GPC6: variants seen among roughly 807,000 people sequenced by gnomAD.
The protein encoded by GPC6 is glypican-6.
In GPC6, 14 loss-of-function variants were observed where a neutral mutation model predicts 55.2. The ratio of observed to expected loss-of-function variants is 0.25; its 90% CI spans 0.17 to 0.40. The LOEUF is 0.40. Among genes scored for constraint, GPC6 ranks in the 10% least tolerant of loss-of-function variants. The probability of loss-of-function intolerance (pLI) is 1.00; values close to 1 mark genes in which losing one functional copy is unlikely to be tolerated. For synonymous variants in GPC6, 278 were observed against 259.6 expected, an observed-to-expected ratio of 1.07 and a Z score of -0.68; for missense variants, 641 against 708.5, an observed-to-expected ratio of 0.90 and a Z score of 1.08.
intron 2 of GPC6, among the ~76,000 whole-genome samples, chr13:93,617,308 A>C (rs1316515838): frequency 1.3e-5 from 2 of 152,092 alleles, no homozygotes; most frequent in African/African-American, 4.8e-5. Flanking sequence ...TAGTTGTGTA[A>C]ATCTAGAATT....
intron 1 of GPC6, among the ~76,000 whole-genome samples, chr13:93,235,641 G>A (rs1876208117): frequency 6.6e-6 from 1 of 151,978 alleles, no homozygotes; most frequent in South Asian, 2.1e-4. Context: ...AGATTAAAAG[G>A]GAAAATTTTA....
chr13:94,340,422 C>T (rs867517038), intron 6 of GPC6, among the ~76,000 whole-genome samples: 2 of 152,158 alleles, frequency 1.3e-5, no homozygotes, highest in African/African-American at 2.4e-5. Flanking sequence ...ACATTAAAAT[C>T]ATTCCATTCC....
chr13:94,289,476 G>A (rs536656958), intron 5 of GPC6, among the ~76,000 whole-genome samples: 13 of 152,224 alleles, frequency 8.5e-5, no homozygotes, highest in African/African-American at 2.4e-4. Flanking sequence ...TGTTATTTCT[G>A]AGAGCATAGT....
At chr13:93,229,988 T>G (rs1043716968) in intron 1 of GPC6, among the ~76,000 whole-genome samples, 1 of 152,218 alleles carries the variant, frequency 6.6e-6, no homozygotes, top group African/African-American at 2.4e-5. Flanking sequence ...ACACACTCTA[T>G]CTCTCCTCCC....
Position 93,803,986 on chromosome 13 carries a change from G to T in GPC6, c.320-26168G>T, listed in dbSNP as rs1278306417. On this transcript the variant is annotated intron_variant, in intron 2 of 8. Coordinates refer to ENST00000377047, the MANE Select transcript of GPC6 (RefSeq NM_005708.5). ...TGATGAAAATGCTCTAAAATTGATTGTTGTGATGGTTGCACATCCTAGAGC... is the reference window on the plus strand; with the variant it reads ...TGATGAAAATGCTCTAAAATTGATTTTTGTGATGGTTGCACATCCTAGAGC... 2.0e-5 allele frequency among the ~76,000 whole-genome samples: 3 copies of T among 152,102 alleles called. No homozygotes were observed. The East Asian group carries it at 5.8e-4, about 29-fold the overall frequency.
intron 4 of GPC6, among the ~76,000 whole-genome samples, chr13:94,100,674 C>G (rs1885823354): frequency 6.6e-6 from 1 of 152,166 alleles, no homozygotes; most frequent in Non-Finnish European, 1.5e-5. Context: ...TGGTCACTTG[C>G]AAGGCCGGTT....
intron 2 of GPC6, among the ~76,000 whole-genome samples, chr13:93,789,610 T>TA (rs1178827836): frequency 0.053 from 1,474 of 27,684 alleles, 103 homozygotes; most frequent in African/African-American, 0.2. Flanking sequence ...TATATATATA[T>TA]ATATATATAT....
chr13:93,458,523 C>T (rs1218970453), intron 1 of GPC6, among the ~76,000 whole-genome samples: 2 of 152,052 alleles, frequency 1.3e-5, no homozygotes, highest in Non-Finnish European at 2.9e-5. Flanking sequence ...AAATATCTGC[C>T]TGATACTGAA....
chr13:93,864,235 T>C (rs1035230128), intron 3 of GPC6, among the ~76,000 whole-genome samples: 1 of 151,712 alleles, frequency 6.6e-6, no homozygotes, highest in Admixed American at 6.6e-5. Flanking sequence ...AAGTATAAGA[T>C]GATAACTGCC....
At chr13:93,941,504 G>A (rs1183160762) in intron 3 of GPC6, among the ~76,000 whole-genome samples, 2 of 152,200 alleles carry the variant, frequency 1.3e-5, no homozygotes, top group Admixed American at 1.3e-4. Flanking sequence ...CAGTGGCAGT[G>A]CAGTACGTAC....
At chr13:93,597,883 C>G in intron 2 of GPC6, among the ~76,000 whole-genome samples, 1 of 152,076 alleles carries the variant, frequency 6.6e-6, no homozygotes, top group East Asian at 1.9e-4. Context: ...CGGTGGCTCA[C>G]ACCTGTAATC....
chr13:93,409,036 A>G (rs1353882150), intron 1 of GPC6, among the ~76,000 whole-genome samples: 1 of 152,142 alleles, frequency 6.6e-6, no homozygotes, highest in Admixed American at 6.6e-5. Context: ...AATTGAAGTG[A>G]GCTTACTAGT....
chr13:93,486,840 G>A (rs150446165), intron 1 of GPC6, among the ~76,000 whole-genome samples: 197 of 152,010 alleles, frequency 1.3e-3, no homozygotes, highest in African/African-American at 4.7e-3. Context: ...AGCTATTTGG[G>A]AGCCTGAGGC....
intron 6 of GPC6, among the ~76,000 whole-genome samples, chr13:94,311,455 C>T (rs2139118270): frequency 6.6e-6 from 1 of 152,312 alleles, no homozygotes; most frequent in East Asian, 1.9e-4. Flanking sequence ...AGGCGAGAGC[C>T]ACTGTGTCCA....
intron 3 of GPC6, among the ~76,000 whole-genome samples, chr13:93,887,734 G>A (rs1477157677): frequency 6.6e-6 from 1 of 152,100 alleles, no homozygotes; most frequent in Non-Finnish European, 1.5e-5. Flanking sequence ...ATTTATGAAG[G>A]ATGAGGTCAG....
chr13:93,725,487 A>G (rs957945651), intron 2 of GPC6, among the ~76,000 whole-genome samples: 7 of 152,084 alleles, frequency 4.6e-5, no homozygotes, highest in African/African-American at 1.7e-4. Flanking sequence ...TGCTAAATCT[A>G]GTTATTTAGA....
chr13:93,229,282 T>TTTA (rs1875928503), intron 1 of GPC6, among the ~76,000 whole-genome samples: 1 of 152,128 alleles, frequency 6.6e-6, no homozygotes, highest in East Asian at 1.9e-4. Flanking sequence ...GAATTCAACT[T>TTTA]TTTAAAAGGT....
intron 1 of GPC6, among the ~76,000 whole-genome samples, chr13:93,300,938 G>A (rs1197519680): frequency 6.6e-6 from 1 of 151,970 alleles, no homozygotes; most frequent in African/African-American, 2.4e-5. Flanking sequence ...AGAATCATTT[G>A]AACCCGGGAG....
At chr13:94,382,986 G>C in intron 7 of GPC6, among the ~76,000 whole-genome samples, 1 of 152,086 alleles carries the variant, frequency 6.6e-6, no homozygotes, top group East Asian at 1.9e-4. Context: ...AAAAATTGAA[G>C]TGTTCATTGG....
Sources: gnomAD v4.1 joint callset for allele counts (sites outside exome capture counted in the v4.1 genomes callset) on GRCh38, gnomAD v4.1.1 for gene constraint, MANE v1.5 for transcripts, NCBI Gene and HGNC (gene_info 2026-07-23, HGNC 2026-07-21) for gene names.